SHISA5: variants seen among roughly 807,000 people sequenced by gnomAD.
The protein encoded by SHISA5 is shisa family member 5, also known as protein shisa-5.
In SHISA5, 21 loss-of-function variants were observed where a neutral mutation model predicts 27.5. The ratio of observed to expected loss-of-function variants is 0.76; its 90% CI spans 0.54 to 1.10. The LOEUF is 1.10. Among genes scored for constraint, SHISA5 ranks in the 50% least tolerant of loss-of-function variants. The pLI is 0.00. For missense variants in SHISA5, 314 were observed against 336.3 expected (o/e 0.93, Z 0.52); for synonymous variants, 137 against 142.2 (o/e 0.96, Z 0.26).
At chr3:48,484,142 T>C (rs1405137521) in intron 2 of SHISA5, among the ~76,000 whole-genome samples, 1 of 152,150 alleles carries the variant, frequency 6.6e-6, no homozygotes, top group African/African-American at 2.4e-5. Flanking sequence ...GGGAAGTGGG[T>C]GATGGATGCA....
chr3:48,499,884 A>AAAAG, intron 2 of SHISA5, among the ~76,000 whole-genome samples: 1 of 143,770 alleles, frequency 7.0e-6, no homozygotes, highest in Non-Finnish European at 1.5e-5. Context: ...AAAAAAAAAA[A>AAAAG]AGCCAAAAGG....
Position 48,469,246 on chromosome 3 carries a change from G to A in SHISA5, c.644-60C>T, listed in dbSNP as rs2040496404. 7.5e-6 allele frequency: 12 copies of A among 1,592,700 alleles called. No homozygotes were observed. Among genetic ancestry groups the A allele is most frequent in the Non-Finnish European group, 9.4e-6 (11 of 1,170,274 alleles). Reference sequence around the variant, plus strand: ...ATGGTGGGCTGCCGTGTGAGTGGCAGGCAAGCAGAAAGGGGCAGAGGCCTG... The same window carrying A: ...ATGGTGGGCTGCCGTGTGAGTGGCAAGCAAGCAGAAAGGGGCAGAGGCCTG... On this transcript the variant is annotated intron_variant, in intron 5 of 5. Transcript: ENST00000296444. The surrounding 1 kb of genome is among the most constrained non-coding windows in gnomAD (Gnocchi z 4.6).
intron 3 of SHISA5, among the ~76,000 whole-genome samples, chr3:48,477,388 G>A (rs1347253841): frequency 2.0e-5 from 3 of 151,998 alleles, no homozygotes; most frequent in African/African-American, 7.3e-5. Flanking sequence ...TAGCCACCAC[G>A]CCCGGCCTCC....
rs2040712158 is a variant in SHISA5, at chr3:48,473,353, C to G, written c.315-3510G>C. 3 of 1,364,880 alleles carry G rather than the reference C, an allele frequency of 2.2e-6. No individual in the cohort carries two copies. The highest frequency in any genetic ancestry group is 2.9e-5 in the African/African-American group (2 of 68,730). 84.5% of individuals were successfully genotyped at this position (1,364,880 alleles called of 1,614,324 possible). On this transcript the variant is annotated intron_variant, in intron 3 of 5. Coordinates refer to ENST00000296444, the MANE Select transcript of SHISA5 (RefSeq NM_016479.6). This position sits in a 1 kb window ranked among gnomAD's most constrained non-coding sequence, Gnocchi z 4.3. Reference sequence around the variant, plus strand: ...GAATGCAGCCTGGCCACTAGGGGGTCTAAGAGCCACCCCAGCCTCAGTGGG... The same window carrying G: ...GAATGCAGCCTGGCCACTAGGGGGTGTAAGAGCCACCCCAGCCTCAGTGGG...
chr3:48,471,578 A>AAT lies in SHISA5; in HGVS notation c.315-1736_315-1735insAT, dbSNP rs199983750. ...TCAAAAAAAAAAAAAAAAAAAAAAA[A>AAT]GTCAGCCTTACATTTTGTACTGGAT... On this transcript the variant is annotated intron_variant, in intron 3 of 5. Coordinates refer to ENST00000296444, the MANE Select transcript of SHISA5 (RefSeq NM_016479.6). 1.5e-4 allele frequency among the ~76,000 whole-genome samples: 17 copies of AAT among 113,618 alleles called. 2 individuals carry two copies. The highest frequency in any genetic ancestry group is 5.4e-4 in the East Asian group (2 of 3,694). 74.5% of individuals were successfully genotyped at this position (113,618 alleles called of 152,430 possible).
Position 48,468,184 on chromosome 3 carries a change from C to T in SHISA5, c.*923G>A, listed in dbSNP as rs2040427288. On this transcript the variant is annotated 3_prime_UTR_variant, in exon 6 of 6. Coordinates refer to ENST00000296444, the MANE Select transcript of SHISA5 (RefSeq NM_016479.6). The stretch of plus-strand genomic sequence containing the variant: ...GGTTGTCCATCTCTGAGCCAATTTC[C>T]CTCCACAACCCAGGGGTTTCAGTCT... 4.4e-5 allele frequency: 44 copies of T among 999,782 alleles called. No homozygotes were observed. Among genetic ancestry groups the T allele is most frequent in the Admixed American group, 5.3e-5 (1 of 19,040 alleles). The allele number at this position is 999,782 out of a possible 1,614,324, so 61.9% of individuals were successfully genotyped here.
In SHISA5 at chr3:48,468,615, G is replaced by A. The variant is rs2040447909; in HGVS notation, c.*492C>T. ...TGCATCATGTCCCTGGCTCTGCAAC[G>A]GGTACCCCCAACTCCGGGGACGAGC... On this transcript the variant is annotated 3_prime_UTR_variant, in exon 6 of 6. Coordinates refer to ENST00000296444, the MANE Select transcript of SHISA5 (RefSeq NM_016479.6). The A allele has an allele frequency of 3.3e-6, 4 of 1,195,842 alleles. No individual in the cohort carries two copies. Among genetic ancestry groups the A allele is most frequent in the South Asian group, 1.5e-5 (1 of 64,664 alleles). 74.1% of individuals were successfully genotyped at this position (1,195,842 alleles called of 1,614,324 possible).
At position 48,473,541 on chromosome 3, in the gene SHISA5, T is replaced by C; in HGVS notation, c.315-3698A>G. The C allele has an allele frequency of 7.8e-7, 1 of 1,282,786 alleles. No individual in the cohort carries two copies. Among genetic ancestry groups the C allele is most frequent in the South Asian group, 1.2e-5 (1 of 80,486 alleles). 79.5% of individuals were successfully genotyped at this position (1,282,786 alleles called of 1,614,324 possible). ...CATGCAAGGAGCAAAGTCCAGCCTG[T>C]CCCTTTAGCTCCTCCTCTCCCACCA... On this transcript the variant is annotated intron_variant, in intron 3 of 5. Transcript: ENST00000296444. The surrounding 1 kb of genome is among the most constrained non-coding windows in gnomAD (Gnocchi z 4.3).
At chr3:48,479,809 T>C (rs1381660124) in intron 2 of SHISA5, among the ~76,000 whole-genome samples, 3 of 152,146 alleles carry the variant, frequency 2.0e-5, no homozygotes, top group Non-Finnish European at 4.4e-5. Context: ...GCCAGGCTGG[T>C]CTCGAACTCC....
At chr3:48,479,340 G>A (rs1030891690) in intron 2 of SHISA5, 83 bp from the exon 3 acceptor site, 30 of 1,323,748 alleles carry the variant, frequency 2.3e-5, no homozygotes, top group Admixed American at 2.1e-5. Context: ...ACCACAAAAC[G>A]TGCACAGAAG....
chr3:48,484,940 A>C (rs2041148427), intron 2 of SHISA5, among the ~76,000 whole-genome samples: 1 of 152,132 alleles, frequency 6.6e-6, no homozygotes, highest in South Asian at 2.1e-4. Context: ...GCCTACAGGC[A>C]TGTAGTACTT....
intron 2 of SHISA5, among the ~76,000 whole-genome samples, chr3:48,494,855 A>G (rs1356326278): frequency 2.0e-5 from 3 of 147,462 alleles, no homozygotes; most frequent in Non-Finnish European, 4.4e-5. Context: ...ACTTTTTTCC[A>G]TGACAATGAT....
chr3:48,503,765 C>G, intron 1 of SHISA5: 1 of 1,237,858 alleles, frequency 8.1e-7, no homozygotes, highest in Non-Finnish European at 1.0e-6. Context: ...GGCGGGAGGG[C>G]AGACCCCTCC....
chr3:48,500,674 G>C (rs77379431), intron 2 of SHISA5, among the ~76,000 whole-genome samples: 1 of 152,160 alleles, frequency 6.6e-6, no homozygotes, highest in African/African-American at 2.4e-5. Flanking sequence ...CATAGGCTGC[G>C]CTGGGAGGAC....
intron 2 of SHISA5, among the ~76,000 whole-genome samples, chr3:48,487,529 A>C (rs779472600): frequency 6.6e-5 from 10 of 152,048 alleles, no homozygotes; most frequent in Non-Finnish European, 1.3e-4. Context: ...ACGTCTTTTG[A>C]AATTATATTT....
Position 48,473,212 on chromosome 3 carries a change from A to C in SHISA5, c.315-3369T>G, listed in dbSNP as rs571588837. 7.0e-6 allele frequency: 10 copies of C among 1,427,934 alleles called. No individual in the cohort carries two copies. Among genetic ancestry groups the C allele is most frequent in the African/African-American group, 1.4e-5 (1 of 69,592 alleles). The allele number at this position is 1,427,934 out of a possible 1,614,324, so 88.5% of individuals were successfully genotyped here. A position where few individuals can be genotyped will look rare whatever the true frequency, so the allele number is the denominator to read the frequency against. Reference sequence around the variant, plus strand: ...AAGACACAGGATGGCCCCGCCCAGCAGCCGGCTAGCAGCCAAGGAGCCAAG... The same window carrying C: ...AAGACACAGGATGGCCCCGCCCAGCCGCCGGCTAGCAGCCAAGGAGCCAAG... On this transcript the variant is annotated intron_variant, in intron 3 of 5. Transcript: ENST00000296444. This position sits in a 1 kb window ranked among gnomAD's most constrained non-coding sequence, Gnocchi z 4.3.
rs1428180959 is a variant in SHISA5 at position 48,470,959 on chromosome 3, C to T, written c.315-1116G>A. 6.6e-6 allele frequency among the ~76,000 whole-genome samples: 1 copy of T among 151,910 alleles called. No homozygotes were observed. Among genetic ancestry groups the T allele is most frequent in the African/African-American group, 2.4e-5 (1 of 41,376 alleles). On this transcript the variant is annotated intron_variant, in intron 3 of 5. Coordinates refer to ENST00000296444, the MANE Select transcript of SHISA5 (RefSeq NM_016479.6). The surrounding 1 kb of genome is among the most constrained non-coding windows in gnomAD (Gnocchi z 4.3). ...AAAGAAAAAAAAAAAAACCTGACTTCCAAATGCAGACAGAGCCCCTTACTA... is the reference window on the plus strand; with the variant it reads ...AAAGAAAAAAAAAAAAACCTGACTTTCAAATGCAGACAGAGCCCCTTACTA...
At position 48,470,949 on chromosome 3, in the gene SHISA5, A is replaced by C. The variant is rs2040588876; in HGVS notation, c.315-1106T>G. Among the ~76,000 whole-genome samples, 1 of 151,974 alleles carries C rather than the reference A, an allele frequency of 6.6e-6. No individual in the cohort carries two copies. The highest frequency in any genetic ancestry group is 2.1e-4 in the South Asian group (1 of 4,818). ...CTCAAAAATGAAAGAAAAAAAAAAA[A>C]ACCTGACTTCCAAATGCAGACAGAG... On this transcript the variant is annotated intron_variant, in intron 3 of 5. Coordinates refer to ENST00000296444, the MANE Select transcript of SHISA5 (RefSeq NM_016479.6). This position sits in a 1 kb window ranked among gnomAD's most constrained non-coding sequence, Gnocchi z 4.3.
chr3:48,471,123 G>T (rs990675627), intron 3 of SHISA5, among the ~76,000 whole-genome samples: 2 of 151,944 alleles, frequency 1.3e-5, no homozygotes, highest in Non-Finnish European at 2.9e-5. Context: ...CACCTCCCAG[G>T]CTCAAGTGAT....
Sources: allele counts gnomAD v4.1 joint callset (sites outside exome capture counted in the v4.1 genomes callset), GRCh38; gene constraint gnomAD v4.1.1; non-coding constraint Gnocchi (gnomAD v3.1); transcripts MANE v1.5; gene names NCBI Gene and HGNC (gene_info 2026-07-23, HGNC 2026-07-21).